Variants in EXOC2 observed in about 807,000 individuals in gnomAD.
EXOC2 encodes SEC5-like 1.
A neutral mutation model predicts 131.8 loss-of-function variants in EXOC2; 70 were observed. The ratio of observed to expected loss-of-function variants is 0.53; its 90% CI spans 0.44 to 0.65. The LOEUF is 0.65. Ranked by LOEUF, EXOC2 falls within the 30% of genes least tolerant of loss-of-function variation. The probability of loss-of-function intolerance (pLI) is 0.00; values close to 1 mark genes in which losing one functional copy is unlikely to be tolerated. For missense variants in EXOC2, 923 were observed against 1,108.6 expected (o/e 0.83, Z 2.38); for synonymous variants, 411 against 398.4 (o/e 1.03, Z -0.38).
intron 1 of EXOC2, among the ~76,000 whole-genome samples, chr6:638,540 G>T (rs569632340): frequency 6.6e-6 from 1 of 152,270 alleles, no homozygotes; most frequent in Non-Finnish European, 1.5e-5. Flanking sequence ...TATGTAAAGT[G>T]GAGCTAGAAA....
intron 13 of EXOC2, among the ~76,000 whole-genome samples, chr6:566,002 T>C (rs1447700009): frequency 1.3e-5 from 2 of 152,220 alleles, no homozygotes; most frequent in Admixed American, 6.5e-5. Context: ...CAGACCAACA[T>C]CCTTCAAACT....
At chr6:644,945 T>C (rs764500495) in intron 1 of EXOC2, among the ~76,000 whole-genome samples, 8 of 152,144 alleles carry the variant, frequency 5.3e-5, no homozygotes, top group East Asian at 1.9e-4. Flanking sequence ...CAAGCTTATA[T>C]AGAGATATTG....
chr6:485,982 A>G lies in EXOC2; in HGVS notation c.*689T>C, dbSNP rs947627373. 6.6e-6 allele frequency: 1 copy of G among 152,268 alleles called. No homozygotes were observed. The highest frequency in any genetic ancestry group is 2.4e-5 in the African/African-American group (1 of 41,460). 9.4% of individuals were successfully genotyped at this position (152,268 alleles called of 1,614,324 possible). A position where few individuals can be genotyped will look rare whatever the true frequency, so the allele number is the denominator to read the frequency against. ...CAGGGACTGCAACACGTGCATGTGT[A>G]GTGACGCACGACAAATTAAGAGTGA... On this transcript the variant is annotated 3_prime_UTR_variant, in exon 28 of 28. Coordinates refer to ENST00000230449, the MANE Select transcript of EXOC2 (RefSeq NM_018303.6).
chr6:542,795 G>C (rs1281013279), intron 22 of EXOC2, among the ~76,000 whole-genome samples: 1 of 152,196 alleles, frequency 6.6e-6, no homozygotes, highest in Non-Finnish European at 1.5e-5. Flanking sequence ...TTCAAGTAAA[G>C]ATGAGCAGGT....
rs1758615590 is a variant in EXOC2, at chr6:576,889, A to G, written c.1193-7T>C. On this transcript the variant is annotated splice_region_variant and splice_polypyrimidine_tract_variant and intron_variant, in intron 11 of 27. Transcript: ENST00000230449. ...CTGTGCAGGCCTGGGTTACCTGGGG[A>G]AGAAAGGAGAGATATACAGAGTATA... 2 of 1,613,676 alleles carry G rather than the reference A, an allele frequency of 1.2e-6. No homozygotes were observed. Among genetic ancestry groups the G allele is most frequent in the Non-Finnish European group, 1.7e-6 (2 of 1,179,730 alleles).
intron 11 of EXOC2, among the ~76,000 whole-genome samples, chr6:579,274 T>C (rs975301091): frequency 6.6e-6 from 1 of 152,254 alleles, no homozygotes; most frequent in African/African-American, 2.4e-5. Context: ...AAGTACATCC[T>C]GAGTTTTGTA....
chr6:636,041 A>G (rs1213055), intron 2 of EXOC2, among the ~76,000 whole-genome samples: 107,797 of 152,256 alleles, frequency 0.71, 38,817 homozygotes, highest in Middle Eastern at 0.88. Flanking sequence ...CTAGCCTGGC[A>G]ACAGAGCGAG....
chr6:576,538 G>A (rs1432852524), intron 12 of EXOC2, among the ~76,000 whole-genome samples: 1 of 152,088 alleles, frequency 6.6e-6, no homozygotes, highest in African/African-American at 2.4e-5. Flanking sequence ...GCACTGACCT[G>A]CACCCAATGA....
intron 6 of EXOC2, among the ~76,000 whole-genome samples, chr6:617,052 T>C (rs971815960): frequency 6.6e-6 from 1 of 152,222 alleles, no homozygotes; most frequent in Admixed American, 6.5e-5. Context: ...GAGTTATGGA[T>C]ACTTAAGCTA....
intron 1 of EXOC2, among the ~76,000 whole-genome samples, chr6:638,486 G>T: frequency 6.6e-6 from 1 of 152,194 alleles, no homozygotes; most frequent in Non-Finnish European, 1.5e-5. Flanking sequence ...TTCAAGTACT[G>T]CTGCTCCCAT....
chr6:508,880 T>A (rs1001810125), intron 23 of EXOC2, among the ~76,000 whole-genome samples: 1 of 152,260 alleles, frequency 6.6e-6, no homozygotes, highest in African/African-American at 2.4e-5. Flanking sequence ...TGGGTAATTC[T>A]GTAGTCCCAC....
chr6:556,120 G>C, intron 18 of EXOC2, 107 bp from the exon 19 acceptor site: 1 of 1,002,832 alleles, frequency 1.0e-6, no homozygotes, highest in Non-Finnish European at 1.5e-6. Context: ...CTGCAGGAGT[G>C]GTGCCCTTCC....
At chr6:614,961 A>G (rs372543421) in intron 6 of EXOC2, among the ~76,000 whole-genome samples, 1 of 152,180 alleles carries the variant, frequency 6.6e-6, no homozygotes, top group African/African-American at 2.4e-5. Flanking sequence ...CACATTTTAA[A>G]AACACAAAAA....
At chr6:605,179 C>T (rs1455324369) in intron 7 of EXOC2, among the ~76,000 whole-genome samples, 1 of 152,118 alleles carries the variant, frequency 6.6e-6, no homozygotes, top group Admixed American at 6.5e-5. Context: ...GGTACAACAC[C>T]CCATGGGCAG....
At chr6:691,571 C>T (rs1453556503) in intron 1 of EXOC2, among the ~76,000 whole-genome samples, 3 of 152,158 alleles carry the variant, frequency 2.0e-5, no homozygotes, top group South Asian at 2.1e-4. Context: ...GTATATAATA[C>T]GTATAACATA....
chr6:566,973 C>A (rs1003334705), intron 13 of EXOC2, among the ~76,000 whole-genome samples: 5 of 152,216 alleles, frequency 3.3e-5, no homozygotes, highest in African/African-American at 9.6e-5. Flanking sequence ...TCCTCTCCCT[C>A]ACCTGAACAC....
intron 6 of EXOC2, 91 bp downstream of exon 6, chr6:617,620 G>A: frequency 6.9e-7 from 1 of 1,446,872 alleles, no homozygotes; most frequent in Non-Finnish European, 9.2e-7. Context: ...GATAAAAACA[G>A]ACCGAGTGTC....
chr6:688,037 T>C (rs550991680), intron 1 of EXOC2, among the ~76,000 whole-genome samples: 2 of 152,282 alleles, frequency 1.3e-5, no homozygotes, highest in African/African-American at 4.8e-5. Context: ...AGGAGATTGG[T>C]CTTAGCATAA....
At chr6:550,533 C>T (rs971145066) in intron 21 of EXOC2, among the ~76,000 whole-genome samples, 8 of 152,128 alleles carry the variant, frequency 5.3e-5, no homozygotes, top group African/African-American at 7.2e-5. Flanking sequence ...AACAAGCGAA[C>T]GGCCTTGAGT....
Sources: allele counts gnomAD v4.1 joint callset (sites outside exome capture counted in the v4.1 genomes callset), GRCh38; gene constraint gnomAD v4.1.1; transcripts MANE v1.5; gene names NCBI Gene and HGNC (gene_info 2026-07-23, HGNC 2026-07-21).